NEK8: variants seen among roughly 807,000 people sequenced by gnomAD.
NEK8 encodes the protein serine/threonine-protein kinase Nek8.
Under a neutral mutation model 77.2 loss-of-function variants are expected in NEK8, and 51 were observed. That is an observed-to-expected ratio of 0.66 (90% CI 0.53 to 0.83). The LOEUF is 0.83. Among genes scored for constraint, NEK8 ranks in the 40% least tolerant of loss-of-function variants. The probability of loss-of-function intolerance (pLI) is 0.00; values close to 1 mark genes in which losing one functional copy is unlikely to be tolerated. For synonymous variants in NEK8, 365 were observed against 363.2 expected (o/e 1.00, Z -0.06); for missense variants, 787 against 909.2 (o/e 0.87, Z 1.73).
chr17:28,730,176 T>A (rs763720999), intron 1 of NEK8, among the ~76,000 whole-genome samples: 1 of 151,960 alleles, frequency 6.6e-6, no homozygotes, highest in Non-Finnish European at 1.5e-5. Context: ...GTAGTGGCAA[T>A]CTCAGTTCAC....
chr17:28,729,586 G>A (rs974871911), intron 1 of NEK8, among the ~76,000 whole-genome samples: 1 of 130,316 alleles, frequency 7.7e-6, no homozygotes, highest in Admixed American at 9.2e-5. Context: ...GCAGTGGCGC[G>A]ATCTCGAGTG....
intron 1 of NEK8, 62 bp from the exon 2 acceptor site, chr17:28,733,921 C>T (rs1298571894): frequency 7.7e-6 from 11 of 1,432,920 alleles, no homozygotes; most frequent in Non-Finnish European, 1.1e-5. Context: ...GGCTGCACCG[C>T]CCTGCCTGAT....
Position 28,728,833 on chromosome 17 carries a change from T to A in NEK8, c.20T>A (p.Ile7Asn). Residue 7 changes from isoleucine (I) to asparagine (N), a missense_variant, in exon 1 of 15, where the codon ATC becomes AAC. This residue lies in a region of NEK8 where 271 missense variants were observed against 365.1 expected (regional missense o/e 0.74). Transcript: ENST00000268766. ...AATGAGATGGAGAAGTACGAGCGGA[T>A]CCGAGTGGTGGGGAGAGGTGCCTTC... MEKYER[I>N]RVVGRGAFGI... 6.4e-7 allele frequency: 1 copy of A among 1,551,638 alleles called. No homozygotes were observed. Among genetic ancestry groups the A allele is most frequent in the Non-Finnish European group, 8.7e-7 (1 of 1,146,910 alleles).
Position 28,739,826 on chromosome 17 carries a change from G to T in NEK8, c.1417+625G>T, listed in dbSNP as rs563713514. 2.6e-5 allele frequency among the ~76,000 whole-genome samples: 4 copies of T among 152,272 alleles called. No homozygotes were observed. The East Asian group carries it at 7.7e-4, about 29-fold the overall frequency. On this transcript the variant is annotated intron_variant, in intron 10 of 14. Transcript: ENST00000268766. ...ACTGAAACTAGAGATGACACTGATGGGTTCTTGTCTTCCTGGAGGACTCAG... is the reference window on the plus strand; with the variant it reads ...ACTGAAACTAGAGATGACACTGATGTGTTCTTGTCTTCCTGGAGGACTCAG...
At position 28,735,776 on chromosome 17, in the gene NEK8, A is replaced by AT. The variant is rs1332450349; in HGVS notation, c.618+408dup. Among the ~76,000 whole-genome samples the AT allele has an allele frequency of 1.6e-3, 235 of 149,484 alleles. 1 individual carries two copies. The highest frequency in any genetic ancestry group is 5.1e-3 in the African/African-American group (208 of 40,434). The stretch of plus-strand genomic sequence containing the variant: ...AGGGCAAAGCTGTTATTGTTTATTT[A>AT]TTTATTTTTTTTATTATACTTTAAG... On this transcript the variant is annotated intron_variant, in intron 4 of 14. Transcript: ENST00000268766.
Position 28,741,112 on chromosome 17 carries a change from G to C in NEK8, c.1767G>C (p.Gln589His). 1 of 1,614,192 alleles carries C rather than the reference G, an allele frequency of 6.2e-7. No homozygotes were observed. Among genetic ancestry groups the C allele is most frequent in the Non-Finnish European group, 8.5e-7 (1 of 1,180,032 alleles). ...ATTGCTACACTTTTGGCAGCAATCA[G>C]CACGGACAGTTGGGCACCAATACTC... ...SGDCYTFGSNQHGQLGTNTRR... is the reference protein window; with the variant it reads ...SGDCYTFGSNHHGQLGTNTRR... The change falls in exon 13 of 15, where the codon CAG becomes CAC. Residue 589 changes from glutamine (Q) to histidine (H), a missense_variant. Physicochemically the swap from Gln to His is conservative, Grantham distance 24. Coordinates refer to ENST00000268766, the MANE Select transcript of NEK8 (RefSeq NM_178170.3). The surrounding 1 kb of genome is among the most constrained non-coding windows in gnomAD (Gnocchi z 4.5).
Position 28,734,201 on chromosome 17 carries a change from C to T in NEK8, c.253+13C>T, listed in dbSNP as rs1597805138. On this transcript the variant is annotated intron_variant, in intron 2 of 14. Transcript: ENST00000268766. Reference sequence around the variant, plus strand: ...GAATATGCACCAGGTGGGCCAGCCTCCTTACAGTGGCCTGGCTGGAGGGCC... The same window carrying T: ...GAATATGCACCAGGTGGGCCAGCCTTCTTACAGTGGCCTGGCTGGAGGGCC... 6.2e-7 allele frequency: 1 copy of T among 1,611,618 alleles called. No homozygotes were observed. Among genetic ancestry groups the T allele is most frequent in the Admixed American group, 1.7e-5 (1 of 60,028 alleles).
chr17:28,734,963 G>A lies in NEK8; in HGVS notation c.445G>A (p.Gly149Ser), dbSNP rs2034348395. The change falls in exon 3 of 15, where the codon GGC (glycine) becomes AGC (serine). Residue 149 changes from glycine to serine, a missense_variant. Transcript: ENST00000268766. The stretch of plus-strand genomic sequence containing the variant: ...CATGGTCGTCAAGATCGGTGATTTC[G>A]GCATCTCCAAGATCCTTAGCAGCAA... Reference protein sequence around the residue: ...HRMVVKIGDFGISKILSSKSK... With the variant: ...HRMVVKIGDFSISKILSSKSK... The A allele has an allele frequency of 1.9e-6, 3 of 1,612,966 alleles. No individual in the cohort carries two copies. Among genetic ancestry groups the A allele is most frequent in the East Asian group, 2.2e-5 (1 of 44,868 alleles).
At chr17:28,739,912 C>T (rs754505614) in intron 10 of NEK8, among the ~76,000 whole-genome samples, 44 of 152,294 alleles carry the variant, frequency 2.9e-4, no homozygotes, top group Non-Finnish European at 5.6e-4. Flanking sequence ...CAGGGCTACA[C>T]CCCAGTGCAG....
At chr17:28,736,801 T>G (rs1162312788) in intron 4 of NEK8, among the ~76,000 whole-genome samples, 7 of 152,088 alleles carry the variant, frequency 4.6e-5, no homozygotes, top group Non-Finnish European at 1.0e-4. Context: ...AATTTTGGCT[T>G]TTGTTGCCAT....
Position 28,735,296 on chromosome 17 carries a change from C to T in NEK8, c.543C>T (p.Asn181=), listed in dbSNP as rs768102953. Residue 181 remains asparagine (N), a synonymous_variant, in exon 4 of 15, where the codon AAC becomes AAT. Transcript: ENST00000268766. ...AGCTGTGTGAGGGCAAGCCCTACAA[C>T]CAGAAGAGTGACATCTGGGCCCTGG... ...SPELCEGKPY[N]QKSDIWALGC... The T allele has an allele frequency of 3.7e-6, 6 of 1,614,116 alleles. No homozygotes were observed. Among genetic ancestry groups the T allele is most frequent in the Non-Finnish European group, 5.1e-6 (6 of 1,179,992 alleles).
rs758502952 is a variant in NEK8 at position 28,742,028 on chromosome 17, T to G, written c.*41T>G. ...CTCTGGACCACCCTGATATTGCTTC[T>G]CCTCTGAATGCTCTGAAAAGTGCAG... On this transcript the variant is annotated 3_prime_UTR_variant, in exon 15 of 15. Transcript: ENST00000268766. The G allele has an allele frequency of 3.1e-6, 5 of 1,600,688 alleles. No homozygotes were observed. Among genetic ancestry groups the G allele is most frequent in the Non-Finnish European group, 3.4e-6 (4 of 1,167,820 alleles).
rs780869811 is a variant in NEK8 at position 28,741,568 on chromosome 17, C to A, written c.2047C>A (p.Arg683=). ...CCATGGAAACACCCTCCTGGCTGTT[C>A]GATGTGAGTTGTAACTTTTCCCACT... ...CCHGNTLLAV[R]SVTDEPVPP The change falls in exon 14 of 15, where the codon CGA becomes AGA. Residue 683 remains arginine, a synonymous_variant. Transcript: ENST00000268766. The surrounding 1 kb of genome is among the most constrained non-coding windows in gnomAD (Gnocchi z 4.5). 12 of 1,613,926 alleles carry A rather than the reference C, an allele frequency of 7.4e-6. No homozygotes were observed. The highest frequency in any genetic ancestry group is 1.0e-5 in the Non-Finnish European group (12 of 1,180,014).
chr17:28,741,394 T>C lies in NEK8; in HGVS notation c.1892-19T>C, dbSNP rs757814350. 1 of 1,612,916 alleles carries C rather than the reference T, an allele frequency of 6.2e-7. No individual in the cohort carries two copies. Among genetic ancestry groups the C allele is most frequent in the South Asian group, 1.1e-5 (1 of 90,892 alleles). On this transcript the variant is annotated intron_variant, in intron 13 of 14. Transcript: ENST00000268766. The surrounding 1 kb of genome is among the most constrained non-coding windows in gnomAD (Gnocchi z 4.5). ...CTGTGCCCACTTCCCACTTCCCTCCTGGGGATTCTTCCTGGCAGAGAGCGA... is the reference window on the plus strand; with the variant it reads ...CTGTGCCCACTTCCCACTTCCCTCCCGGGGATTCTTCCTGGCAGAGAGCGA...
rs908690962 is a variant in NEK8, at chr17:28,743,429, G to A, written c.*1442G>A. 1 of 152,384 alleles carries A rather than the reference G, an allele frequency of 6.6e-6. No homozygotes were observed. The highest frequency in any genetic ancestry group is 2.1e-4 in the South Asian group (1 of 4,838). 9.4% of individuals were successfully genotyped at this position (152,384 alleles called of 1,614,324 possible). On this transcript the variant is annotated 3_prime_UTR_variant, in exon 15 of 15. Coordinates refer to ENST00000268766, the MANE Select transcript of NEK8 (RefSeq NM_178170.3). ...GACCAGACCGGTTTCCCAGAGGACA[G>A]GAAGGCCAATAAAAATATCAGCTGC... is the stretch of plus-strand genomic sequence containing the variant.
At position 28,741,179 on chromosome 17, in the gene NEK8, G is replaced by A. The variant is rs528858968; in HGVS notation, c.1834G>A (p.Gly612Ser). 1 of 1,613,768 alleles carries A rather than the reference G, an allele frequency of 6.2e-7. No individual in the cohort carries two copies. Among genetic ancestry groups the A allele is most frequent in the South Asian group, 1.1e-5 (1 of 91,064 alleles). ...RAPCKVQGLE[G>S]IKMAMVACGD... ...ACCCTGTAAGGTCCAAGGCCTTGAGGGCATCAAGATGGCAATGGTAGCCTG... is the reference window on the plus strand; with the variant it reads ...ACCCTGTAAGGTCCAAGGCCTTGAGAGCATCAAGATGGCAATGGTAGCCTG... Residue 612 changes from glycine (G) to serine (S), a missense_variant, in exon 13 of 15, where the codon GGC (glycine) becomes AGC (serine). By Grantham distance (56) the Gly-to-Ser change is moderately conservative. This residue lies in a region of NEK8 where 516 missense variants were observed against 544.0 expected (regional missense o/e 0.95). Coordinates refer to ENST00000268766, the MANE Select transcript of NEK8 (RefSeq NM_178170.3). This position sits in a 1 kb window ranked among gnomAD's most constrained non-coding sequence, Gnocchi z 4.5.
At chr17:28,738,918 C>G (rs565425396) in intron 9 of NEK8, among the ~76,000 whole-genome samples, 166 bp from the exon 10 acceptor site, 1 of 152,260 alleles carries the variant, frequency 6.6e-6, no homozygotes, top group South Asian at 2.1e-4. Context: ...ACAGAAAAAC[C>G]AGGCTTCCCC....
At position 28,742,010 on chromosome 17, in the gene NEK8, C is replaced by A; in HGVS notation, c.*23C>A. ...TGAGGCACCCGGATTCACCTCTGGA[C>A]CACCCTGATATTGCTTCTCCTCTGA... On this transcript the variant is annotated 3_prime_UTR_variant, in exon 15 of 15. Coordinates refer to ENST00000268766, the MANE Select transcript of NEK8 (RefSeq NM_178170.3). 1 of 1,611,564 alleles carries A rather than the reference C, an allele frequency of 6.2e-7. No individual in the cohort carries two copies. The highest frequency in any genetic ancestry group is 8.5e-7 in the Non-Finnish European group (1 of 1,177,688).
Position 28,741,094 on chromosome 17 carries a change from C to T in NEK8, c.1749C>T (p.Tyr583=), listed in dbSNP as rs1201424157. The T allele has an allele frequency of 6.2e-7, 1 of 1,614,192 alleles. No individual in the cohort carries two copies. Among genetic ancestry groups the T allele is most frequent in the African/African-American group, 1.3e-5 (1 of 75,044 alleles). Residue 583 remains tyrosine (Y), a synonymous_variant, in exon 13 of 15, where the codon TAC becomes TAT. Transcript: ENST00000268766. This position sits in a 1 kb window ranked among gnomAD's most constrained non-coding sequence, Gnocchi z 4.5. The part of the protein sequence containing the change: ...SAAVTASGDC[Y]TFGSNQHGQL... ...CCCCCATAGCCTCGGGTGATTGCTA[C>T]ACTTTTGGCAGCAATCAGCACGGAC...
Sources: gnomAD v4.1 joint callset for allele counts (sites outside exome capture counted in the v4.1 genomes callset) on GRCh38, gnomAD v4.1.1 for gene constraint, gnomAD v4.1.1 regional missense constraint, Gnocchi (gnomAD v3.1) non-coding constraint, MANE v1.5 for transcripts, NCBI Gene and HGNC (gene_info 2026-07-23, HGNC 2026-07-21) for gene names.